Variants in CSMD1 observed in about 807,000 individuals in gnomAD.
CSMD1 encodes the protein CUB and sushi domain-containing protein 1.
In CSMD1, 213 loss-of-function variants were observed where a neutral mutation model predicts 417.5. The observed-to-expected ratio is 0.51, with a 90% confidence interval of 0.46 to 0.57. The LOEUF is 0.57. CSMD1 is among the 20% of genes least tolerant of loss of function. CSMD1 has a pLI of 0.00. For synonymous variants in CSMD1, 2,862 were observed against 1,736.8 expected (o/e 1.65, Z -16.11); for missense variants, 6,923 against 4,529.7 (o/e 1.53, Z -15.17).
At chr8:4,517,820 A>C (rs576975458) in intron 2 of CSMD1, among the ~76,000 whole-genome samples, 17 of 152,346 alleles carry the variant, frequency 1.1e-4, no homozygotes, top group African/African-American at 4.1e-4. Context: ...CATGATTGTC[A>C]AACATATATT....
intron 30 of CSMD1, among the ~76,000 whole-genome samples, chr8:3,206,083 C>A (rs904088421): frequency 1.3e-5 from 2 of 152,010 alleles, no homozygotes; most frequent in South Asian, 4.2e-4. Context: ...TTTGTTTTAA[C>A]GTTTCATCTT....
intron 49 of CSMD1, among the ~76,000 whole-genome samples, chr8:3,064,534 G>C (rs1384623736): frequency 6.6e-6 from 1 of 152,112 alleles, no homozygotes; most frequent in African/African-American, 2.4e-5. Flanking sequence ...CCCAGTCTCA[G>C]GTAGTTATTT....
At chr8:4,073,195 C>G (rs953126460) in intron 3 of CSMD1, among the ~76,000 whole-genome samples, 2 of 152,070 alleles carry the variant, frequency 1.3e-5, no homozygotes, top group East Asian at 1.9e-4. Flanking sequence ...TCAAAGAACG[C>G]TCACAACAAT....
chr8:3,896,734 T>C (rs763274619), intron 5 of CSMD1, among the ~76,000 whole-genome samples: 1 of 151,978 alleles, frequency 6.6e-6, no homozygotes, highest in Admixed American at 6.6e-5. Context: ...ATGGTCTCGA[T>C]CCTGAATATG....
intron 3 of CSMD1, among the ~76,000 whole-genome samples, chr8:4,412,618 A>G (rs1253663248): frequency 6.6e-6 from 1 of 152,194 alleles, no homozygotes; most frequent in Non-Finnish European, 1.5e-5. Flanking sequence ...ATGAAGTTGC[A>G]ATGGTCTATT....
At chr8:4,571,673 T>C (rs1053859511) in intron 2 of CSMD1, among the ~76,000 whole-genome samples, 3 of 152,128 alleles carry the variant, frequency 2.0e-5, no homozygotes, top group Admixed American at 2.0e-4. Flanking sequence ...GTTCAAGTCC[T>C]GAATATCTTT....
intron 2 of CSMD1, among the ~76,000 whole-genome samples, chr8:4,456,072 A>C (rs1482664220): frequency 6.6e-6 from 1 of 150,474 alleles, no homozygotes; most frequent in East Asian, 1.9e-4. Flanking sequence ...AAAAAAAAAA[A>C]AAAAAAAAAA....
intron 3 of CSMD1, among the ~76,000 whole-genome samples, chr8:4,072,561 A>G (rs895499330): frequency 1.3e-5 from 2 of 152,296 alleles, no homozygotes; most frequent in Non-Finnish European, 1.5e-5. Context: ...GCATATTTTC[A>G]TATATATAAG....
At position 3,301,351 on chromosome 8, in the gene CSMD1, A is replaced by T. The variant is rs544684243; in HGVS notation, c.3950+6344T>A. On this transcript the variant is annotated intron_variant, in intron 25 of 69. Transcript: ENST00000635120. ...GTTTGGGAGGCTTCAGATGGGGTCT[A>T]AATGAGAAATGAAGCTCACAGAAGT... 2.0e-5 allele frequency among the ~76,000 whole-genome samples: 3 copies of T among 152,206 alleles called. No individual in the cohort carries two copies. The East Asian group carries it at 5.8e-4, about 29-fold the overall frequency.
Position 3,942,481 on chromosome 8 carries a change from C to G in CSMD1, c.818+55422G>C, listed in dbSNP as rs572739062. ...CATTTGACTATTTCTACACAGATGC[C>G]TGGATGAGCAATTTACCTTCAGGGA... On this transcript the variant is annotated intron_variant, in intron 5 of 69. Transcript: ENST00000635120. Among the ~76,000 whole-genome samples, 36 of 152,210 alleles carry G rather than the reference C, an allele frequency of 2.4e-4. No homozygotes were observed. The South Asian group carries it at 4.4e-3, about 18-fold the overall frequency.
chr8:3,879,368 T>G (rs1428571061), intron 5 of CSMD1, among the ~76,000 whole-genome samples: 1 of 152,186 alleles, frequency 6.6e-6, no homozygotes, highest in African/African-American at 2.4e-5. Context: ...AAGGAATCTC[T>G]ATAGACATAA....
At chr8:3,972,754 A>C (rs1813174695) in intron 5 of CSMD1, among the ~76,000 whole-genome samples, 1 of 152,246 alleles carries the variant, frequency 6.6e-6, no homozygotes, top group Non-Finnish European at 1.5e-5. Context: ...TAAAAGCATT[A>C]AAAATGTATA....
At chr8:4,558,740 C>T (rs961554344) in intron 2 of CSMD1, among the ~76,000 whole-genome samples, 3 of 152,124 alleles carry the variant, frequency 2.0e-5, no homozygotes. Context: ...ATGGTGGTGG[C>T]GCCTGTAATC....
intron 37 of CSMD1, among the ~76,000 whole-genome samples, chr8:3,172,565 A>G (rs1348827381): frequency 6.6e-6 from 1 of 152,116 alleles, no homozygotes; most frequent in Non-Finnish European, 1.5e-5. Context: ...TTGTGACTCT[A>G]CTTACAGAGT....
intron 3 of CSMD1, among the ~76,000 whole-genome samples, chr8:4,369,040 G>C (rs1207234657): frequency 6.6e-6 from 1 of 152,016 alleles, no homozygotes; most frequent in African/African-American, 2.4e-5. Context: ...TTGATGTTAG[G>C]TTGCTAATTT....
rs564454312 is a variant in CSMD1 at position 3,343,376 on chromosome 8, T to A, written c.3549A>T (p.Leu1183=). The part of the protein sequence containing the change: ...FTKNELLGLI[L]NSTSNHLWLE... ...GCCACAGGTGATTGGATGTGCTGTT[T>A]AGGATCAGCCCCAGAAGTTCATTTT... Residue 1183 remains leucine, a synonymous_variant, in exon 23 of 70, where the codon CTA becomes CTT. Coordinates refer to ENST00000635120, the MANE Select transcript of CSMD1 (RefSeq NM_033225.6). 2.5e-6 allele frequency: 4 copies of A among 1,613,840 alleles called. No individual in the cohort carries two copies. The South Asian group carries it at 4.4e-5, about 18-fold the overall frequency.
intron 3 of CSMD1, among the ~76,000 whole-genome samples, chr8:4,270,001 A>G (rs546752848): frequency 3.3e-5 from 5 of 152,346 alleles, no homozygotes; most frequent in South Asian, 2.1e-4. Context: ...GGGGCCATAT[A>G]TAAGATGAGC....
Position 2,978,739 on chromosome 8 carries a change from G to A in CSMD1, c.8439C>T (p.Phe2813=), listed in dbSNP as rs766586690. 6 of 1,613,556 alleles carry A rather than the reference G, an allele frequency of 3.7e-6. No homozygotes were observed. The highest frequency in any genetic ancestry group is 4.2e-6 in the Non-Finnish European group (5 of 1,179,752). The stretch of plus-strand genomic sequence containing the variant: ...TCATTCCATACTCAAAACTCTCAGG[G>A]AAGTTCTGTTGCCCGTGACGAATGG... ...ENAIRHGQQN[F]PESFEYGMSI... is the part of the protein sequence containing the mutation. Residue 2813 remains phenylalanine (F), a synonymous_variant, in exon 55 of 70, where the codon TTC becomes TTT. Coordinates refer to ENST00000635120, the MANE Select transcript of CSMD1 (RefSeq NM_033225.6).
chr8:3,102,352 T>G (rs1211227365), intron 46 of CSMD1, among the ~76,000 whole-genome samples: 1 of 152,170 alleles, frequency 6.6e-6, no homozygotes, highest in Non-Finnish European at 1.5e-5. Context: ...CACTCTCCGG[T>G]TGTTTTAAAC....
Sources: gnomAD v4.1 joint callset for allele counts (sites outside exome capture counted in the v4.1 genomes callset) on GRCh38, gnomAD v4.1.1 for gene constraint, MANE v1.5 for transcripts, NCBI Gene and HGNC (gene_info 2026-07-23, HGNC 2026-07-21) for gene names.